Variants in CACNG8 observed in about 807,000 individuals in gnomAD.
CACNG8 encodes calcium voltage-gated channel auxiliary subunit gamma 8.
A neutral mutation model predicts 26.9 loss-of-function variants in CACNG8; 5 were observed. The ratio of observed to expected loss-of-function variants is 0.19; its 90% confidence interval spans 0.10 to 0.39. CACNG8 has a LOEUF of 0.39. CACNG8 is among the 10% of genes least tolerant of loss of function. The pLI is 1.00. For missense variants in CACNG8, 473 were observed against 609.4 expected, an observed-to-expected ratio of 0.78 and a Z score of 2.36; for synonymous variants, 321 against 296.7, an observed-to-expected ratio of 1.08 and a Z score of -0.84.
chr19:53,980,758 G>A (rs1029656621), intron 3 of CACNG8, among the ~76,000 whole-genome samples: 2 of 152,174 alleles, frequency 1.3e-5, no homozygotes, highest in Admixed American at 6.6e-5. Flanking sequence ...GACGAGCAGA[G>A]AGCTAGGACT....
intron 1 of CACNG8, among the ~76,000 whole-genome samples, chr19:53,972,775 G>A (rs1048327410): frequency 5.3e-5 from 8 of 152,222 alleles, no homozygotes; most frequent in African/African-American, 1.7e-4. Flanking sequence ...CCAAAACCAC[G>A]CAGCTGGGAA....
chr19:53,974,363 G>C (rs561010716), intron 1 of CACNG8, among the ~76,000 whole-genome samples: 1 of 152,210 alleles, frequency 6.6e-6, no homozygotes, highest in South Asian at 2.1e-4. Context: ...ATCTGTCAAC[G>C]GGCACTGGGG....
chr19:53,976,547 C>T (rs1338308140), intron 1 of CACNG8, among the ~76,000 whole-genome samples: 1 of 152,192 alleles, frequency 6.6e-6, no homozygotes, highest in Non-Finnish European at 1.5e-5. Flanking sequence ...CCTCCTTTAT[C>T]CCTATTCTTT....
intron 1 of CACNG8, among the ~76,000 whole-genome samples, chr19:53,975,431 G>A (rs2069325343): frequency 6.6e-6 from 1 of 152,034 alleles, no homozygotes; most frequent in Admixed American, 6.6e-5. Context: ...CCAGGCTGGA[G>A]TGCAGTGGCG....
In CACNG8 at chr19:53,984,369, C is replaced by T. The variant is rs963791400; in HGVS notation, c.*1520C>T. ...CTGGAACCCGGACCACCGTGGGTAC[C>T]GTGGCACACGGTGGACAGAGTGACC... On this transcript the variant is annotated 3_prime_UTR_variant, in exon 4 of 4. Transcript: ENST00000270458. 1 of 152,236 alleles carries T rather than the reference C, an allele frequency of 6.6e-6. No individual in the cohort carries two copies. The highest frequency in any genetic ancestry group is 2.4e-5 in the African/African-American group (1 of 41,442). 9.4% of individuals were successfully genotyped at this position (152,236 alleles called of 1,614,324 possible). A position where few individuals can be genotyped will look rare whatever the true frequency, so the allele number is the denominator to read the frequency against.
At chr19:53,964,008 C>G (rs990916744) in intron 1 of CACNG8, among the ~76,000 whole-genome samples, 7 of 151,966 alleles carry the variant, frequency 4.6e-5, no homozygotes, top group Non-Finnish European at 8.8e-5. Context: ...TCCTGTTGCC[C>G]AGGCTGGTCT....
At chr19:53,981,395 G>A (rs926989734) in intron 3 of CACNG8, among the ~76,000 whole-genome samples, 5 of 151,502 alleles carry the variant, frequency 3.3e-5, no homozygotes, top group South Asian at 2.1e-4. Flanking sequence ...TAGGGGTGGG[G>A]CCTGGACCGC....
At position 53,963,643 on chromosome 19, in the gene CACNG8, C is replaced by T. The variant is rs1331239516; in HGVS notation, c.283+218C>T. 6.6e-5 allele frequency among the ~76,000 whole-genome samples: 10 copies of T among 152,040 alleles called. 1 individual carries two copies. The East Asian group carries it at 1.9e-3, about 29-fold the overall frequency. The stretch of plus-strand genomic sequence containing the variant: ...GCACCCTGCGGAATTCCTCGGCATG[C>T]TCCCTCTGCAGCCCCTCTGCCTCTC... On this transcript the variant is annotated intron_variant, in intron 1 of 3. Coordinates refer to ENST00000270458, the MANE Select transcript of CACNG8 (RefSeq NM_031895.6).
chr19:53,981,974 G>T (rs1026460250), intron 3 of CACNG8, 106 bp from the exon 4 acceptor site: 1 of 1,268,352 alleles, frequency 7.9e-7, no homozygotes, highest in African/African-American at 1.6e-5. Context: ...AGACCGCCTG[G>T]GGGTGGCGCC....
At chr19:53,963,557 C>A in intron 1 of CACNG8, 132 bp downstream of exon 1, 1 of 884,232 alleles carries the variant, frequency 1.1e-6, no homozygotes, top group Non-Finnish European at 1.6e-6. Flanking sequence ...GGGGCTTCTG[C>A]GCCTTCCCAC....
chr19:53,984,948 G>A lies in CACNG8; in HGVS notation c.*2099G>A, dbSNP rs1237199878. On this transcript the variant is annotated 3_prime_UTR_variant, in exon 4 of 4. Coordinates refer to ENST00000270458, the MANE Select transcript of CACNG8 (RefSeq NM_031895.6). ...AGCCTGAGCAACAGACTGAGATCCT[G>A]TCTCAGAAAAAAAGAGAAAAAGGTG... 1 of 152,028 alleles carries A rather than the reference G, an allele frequency of 6.6e-6. No homozygotes were observed. Among genetic ancestry groups the A allele is most frequent in the Non-Finnish European group, 1.5e-5 (1 of 68,082 alleles). The allele number at this position is 152,028 out of a possible 1,614,324, so 9.4% of individuals were successfully genotyped here.
In CACNG8 at chr19:53,982,382, C is replaced by T. The variant is rs2069375358; in HGVS notation, c.811C>T (p.Arg271Cys). 1.3e-6 allele frequency: 2 copies of T among 1,529,186 alleles called. No individual in the cohort carries two copies. Among genetic ancestry groups the T allele is most frequent in the Non-Finnish European group, 1.7e-6 (2 of 1,143,672 alleles). The allele number at this position is 1,529,186 out of a possible 1,614,324, so 94.7% of individuals were successfully genotyped here. Residue 271 changes from arginine (R) to cysteine (C), a missense_variant, in exon 4 of 4, where the codon CGC (arginine) becomes TGC (cysteine). Transcript: ENST00000270458. The surrounding 1 kb of genome is among the most constrained non-coding windows in gnomAD (Gnocchi z 8.4). Reference sequence around the variant, plus strand: ...TCTGCCCAGTTACCGCTTCCGCTACCGCCGCCGCTCCCGCTCTAGCTCCCG... The same window carrying T: ...TCTGCCCAGTTACCGCTTCCGCTACTGCCGCCGCTCCCGCTCTAGCTCCCG...
chr19:53,977,086 C>A (rs1334100767), intron 1 of CACNG8, among the ~76,000 whole-genome samples: 1 of 152,190 alleles, frequency 6.6e-6, no homozygotes, highest in African/African-American at 2.4e-5. Context: ...TCTCAGCTTA[C>A]CGAGGACGAA....
At chr19:53,966,799 G>T (rs1332916709) in intron 1 of CACNG8, among the ~76,000 whole-genome samples, 2 of 152,164 alleles carry the variant, frequency 1.3e-5, no homozygotes, top group African/African-American at 4.8e-5. Flanking sequence ...TTACATTTTT[G>T]CGGTATGTTT....
rs2069423879 is a variant in CACNG8, at chr19:53,989,006, G to T, written c.*6157G>T. On this transcript the variant is annotated 3_prime_UTR_variant, in exon 4 of 4. Transcript: ENST00000270458. Reference sequence around the variant, plus strand: ...TTTCTGGCCAGGCTTGGGGGCTCATGCCTGTAATCCCAGCACTCTGGGAGG... The same window carrying T: ...TTTCTGGCCAGGCTTGGGGGCTCATTCCTGTAATCCCAGCACTCTGGGAGG... 1.3e-5 allele frequency: 2 copies of T among 152,246 alleles called. No individual in the cohort carries two copies. 9.4% of individuals were successfully genotyped at this position (152,246 alleles called of 1,614,324 possible).
chr19:53,980,422 A>G (rs2069359231), intron 3 of CACNG8, among the ~76,000 whole-genome samples: 1 of 151,718 alleles, frequency 6.6e-6, no homozygotes, highest in Non-Finnish European at 1.5e-5. Context: ...GGAGAGGTAG[A>G]AAGTGATCTG....
Position 53,982,392 on chromosome 19 carries a change from C to G in CACNG8, c.821C>G (p.Ser274Cys). 6.5e-7 allele frequency: 1 copy of G among 1,528,748 alleles called. No homozygotes were observed. The highest frequency in any genetic ancestry group is 1.4e-5 in the African/African-American group (1 of 71,576). 94.7% of individuals were successfully genotyped at this position (1,528,748 alleles called of 1,614,324 possible). The change falls in exon 4 of 4, where the codon TCC (serine) becomes TGC (cysteine). Residue 274 changes from serine (S) to cysteine (C), a missense_variant. Coordinates refer to ENST00000270458, the MANE Select transcript of CACNG8 (RefSeq NM_031895.6). The surrounding 1 kb of genome is among the most constrained non-coding windows in gnomAD (Gnocchi z 8.4). ...TACCGCTTCCGCTACCGCCGCCGCTCCCGCTCTAGCTCCCGCTCCAGCGAG... is the reference window on the plus strand; with the variant it reads ...TACCGCTTCCGCTACCGCCGCCGCTGCCGCTCTAGCTCCCGCTCCAGCGAG...
In CACNG8 at chr19:53,978,194, C is replaced by A; in HGVS notation, c.332C>A (p.Thr111Lys). 6.2e-7 allele frequency: 1 copy of A among 1,613,102 alleles called. No individual in the cohort carries two copies. The highest frequency in any genetic ancestry group is 8.5e-7 in the Non-Finnish European group (1 of 1,179,776). The stretch of plus-strand genomic sequence containing the variant: ...AAGATCAATCATTTCCCGGAGGACA[C>A]GGACTACGACCACGACAGCGCGGAG... The change falls in exon 2 of 4, where the codon ACG becomes AAG. Residue 111 changes from threonine to lysine, a missense_variant. Physicochemically the swap from Thr to Lys is moderately conservative, Grantham distance 78. Around this residue, in one of 6 missense-constraint regions of CACNG8, gnomAD observed 155 missense variants for 253.0 expected, o/e 0.61. Transcript: ENST00000270458.
chr19:53,973,685 G>GGCA (rs2069315070), intron 1 of CACNG8, among the ~76,000 whole-genome samples: 1 of 152,018 alleles, frequency 6.6e-6, no homozygotes, highest in African/African-American at 2.4e-5. Context: ...AAATTAGCTG[G>GGCA]GCATGGTGGC....
Sources: gnomAD v4.1 joint callset for allele counts (sites outside exome capture counted in the v4.1 genomes callset) on GRCh38, gnomAD v4.1.1 for gene constraint, gnomAD v4.1.1 regional missense constraint, Gnocchi (gnomAD v3.1) non-coding constraint, MANE v1.5 for transcripts, NCBI Gene and HGNC (gene_info 2026-07-23, HGNC 2026-07-21) for gene names.